FARP1: variants seen among roughly 807,000 people sequenced by gnomAD.
FARP1 encodes FERM, ARH/RhoGEF and pleckstrin domain protein 1.
FARP1 carries 52 observed loss-of-function variants against 128.8 expected under a neutral mutation model. That is an observed-to-expected ratio of 0.40 (90% CI 0.32 to 0.51). FARP1 has a LOEUF of 0.51. Among genes scored for constraint, FARP1 ranks in the 20% least tolerant of loss-of-function variants. FARP1 has a pLI of 0.45. For missense variants in FARP1, 1,333 were observed against 1,367.9 expected (o/e 0.97, Z 0.40); for synonymous variants, 580 against 551.8 (o/e 1.05, Z -0.72).
At position 98,375,601 on chromosome 13, in the gene FARP1, C is replaced by G. The variant is rs689355; in HGVS notation, c.399-2220C>G. Among the ~76,000 whole-genome samples the G allele has an allele frequency of 1.1e-3, 162 of 152,166 alleles. 1 individual carries two copies. Among genetic ancestry groups the G allele is most frequent in the African/African-American group, 3.7e-3 (152 of 41,530 alleles). On this transcript the variant is annotated intron_variant, in intron 5 of 26. Transcript: ENST00000319562. The stretch of plus-strand genomic sequence containing the variant: ...AGGCCCTATCTCTCTATCCTTCCAA[C>G]AGGTAATTGTTTTTTGTTGTTTTTA...
intron 2 of FARP1, among the ~76,000 whole-genome samples, chr13:98,237,938 T>G (rs1350445600): frequency 2.6e-5 from 4 of 152,148 alleles, no homozygotes; most frequent in Non-Finnish European, 5.9e-5. Context: ...GTATTGAAAA[T>G]GCAGCTTTTA....
intron 2 of FARP1, among the ~76,000 whole-genome samples, chr13:98,292,517 TG>T (rs1885495362): frequency 6.6e-6 from 1 of 152,262 alleles, no homozygotes; most frequent in South Asian, 2.1e-4. Context: ...ACTTGCCACA[TG>T]TGGCTATTTA....
intron 1 of FARP1, 51 bp from the exon 2 acceptor site, chr13:98,213,169 G>C: frequency 6.8e-7 from 1 of 1,479,798 alleles, no homozygotes; most frequent in Non-Finnish European, 9.2e-7. Context: ...ACACAGCTTG[G>C]GTGGTAGTCT....
chr13:98,368,274 A>C (rs1889184113), intron 5 of FARP1, 79 bp downstream of exon 5: 6 of 1,025,018 alleles, frequency 5.9e-6, no homozygotes, highest in Non-Finnish European at 7.7e-6. Flanking sequence ...AATTGATGAC[A>C]CAAACATTTT....
chr13:98,318,599 T>G (rs1171782176), intron 2 of FARP1, among the ~76,000 whole-genome samples: 1 of 152,182 alleles, frequency 6.6e-6, no homozygotes, highest in Non-Finnish European at 1.5e-5. Flanking sequence ...CCCTGGCATC[T>G]CCCTGGTAGA....
At chr13:98,372,039 A>G (rs1176697546) in intron 5 of FARP1, among the ~76,000 whole-genome samples, 3 of 145,086 alleles carry the variant, frequency 2.1e-5, no homozygotes, top group Non-Finnish European at 4.4e-5. Context: ...GCAGCCTCAA[A>G]ACAACGAGTG....
intron 2 of FARP1, among the ~76,000 whole-genome samples, chr13:98,245,736 G>T (rs1443036187): frequency 3.3e-5 from 5 of 152,158 alleles, no homozygotes; most frequent in Non-Finnish European, 7.4e-5. Flanking sequence ...AGAAAATGCA[G>T]AAATGTATCC....
At chr13:98,341,830 A>G (rs541254670) in intron 2 of FARP1, among the ~76,000 whole-genome samples, 5 of 152,326 alleles carry the variant, frequency 3.3e-5, no homozygotes, top group Admixed American at 2.6e-4. Context: ...GGGTTCTTAT[A>G]TATAATATTC....
chr13:98,440,489 C>T (rs955906493), intron 23 of FARP1, among the ~76,000 whole-genome samples, 181 bp from the exon 24 acceptor site: 4 of 152,136 alleles, frequency 2.6e-5, no homozygotes, highest in African/African-American at 9.7e-5. Context: ...TTTACACACC[C>T]GGGAGGGGCT....
intron 1 of FARP1, among the ~76,000 whole-genome samples, chr13:98,154,591 G>T (rs565226074): frequency 3.9e-5 from 6 of 152,304 alleles, no homozygotes; most frequent in African/African-American, 1.4e-4. Context: ...TAAATAAGAT[G>T]TCAGTCCTGT....
chr13:98,145,216 C>T (rs1276716322), intron 1 of FARP1, among the ~76,000 whole-genome samples: 1 of 152,092 alleles, frequency 6.6e-6, no homozygotes, highest in African/African-American at 2.4e-5. Flanking sequence ...AACTGGAAAC[C>T]CTCGGTGTGG....
chr13:98,262,624 G>A (rs372519768), intron 2 of FARP1, among the ~76,000 whole-genome samples: 2 of 152,170 alleles, frequency 1.3e-5, no homozygotes, highest in South Asian at 2.1e-4. Flanking sequence ...CGCATTTTGT[G>A]TTTATTGGAA....
At chr13:98,346,613 C>T (rs145674270) in intron 3 of FARP1, among the ~76,000 whole-genome samples, 2,659 of 152,028 alleles carry the variant, frequency 0.017, 31 homozygotes, top group South Asian at 0.053. Context: ...GGTGTGGTGG[C>T]GCACGCCTGT....
chr13:98,177,118 T>TC, intron 1 of FARP1: 1 of 1,602,054 alleles, frequency 6.2e-7, no homozygotes, highest in Non-Finnish European at 8.5e-7. Flanking sequence ...GTGCTCGGGG[T>TC]CGCAGGCCGG....
intron 9 of FARP1, among the ~76,000 whole-genome samples, chr13:98,389,110 A>G (rs1428026711): frequency 6.6e-6 from 1 of 152,330 alleles, no homozygotes; most frequent in East Asian, 1.9e-4. Flanking sequence ...AAGATGATAA[A>G]TGGCAATTAG....
chr13:98,253,672 C>T (rs561929169), intron 2 of FARP1, among the ~76,000 whole-genome samples: 9 of 152,290 alleles, frequency 5.9e-5, no homozygotes, highest in East Asian at 1.9e-4. Flanking sequence ...CATCCAAGGT[C>T]GCACCGCTAA....
At chr13:98,432,004 A>G (rs11616733) in intron 18 of FARP1, 56,905 of 152,074 alleles carry the variant, frequency 0.37, 10,894 homozygotes, top group East Asian at 0.47. Flanking sequence ...GCTACCGGTC[A>G]TTTGTAATGT....
At chr13:98,255,872 C>T (rs1883562587) in intron 2 of FARP1, among the ~76,000 whole-genome samples, 2 of 152,278 alleles carry the variant, frequency 1.3e-5, no homozygotes, top group South Asian at 2.1e-4. Flanking sequence ...GAAAAGGAAG[C>T]GTAGTAGAAA....
intron 2 of FARP1, among the ~76,000 whole-genome samples, chr13:98,343,338 G>T (rs914092046): frequency 3.3e-5 from 5 of 152,190 alleles, no homozygotes; most frequent in Admixed American, 1.3e-4. Flanking sequence ...AGTGAGCCTT[G>T]TGTGAGCTAT....
Sources: allele counts gnomAD v4.1 joint callset (sites outside exome capture counted in the v4.1 genomes callset), GRCh38; gene constraint gnomAD v4.1.1; transcripts MANE v1.5; gene names NCBI Gene and HGNC (gene_info 2026-07-23, HGNC 2026-07-21).